The following ZNF112 variants were observed in gnomAD, a reference collection of about 807,000 sequenced individuals.
ZNF112 encodes zinc finger protein 112 (Y14).
In ZNF112, 37 loss-of-function variants were observed where a neutral mutation model predicts 77.7. That is an observed-to-expected ratio of 0.48 (90% CI 0.37 to 0.63). The LOEUF is 0.63. Among genes scored for constraint, ZNF112 ranks in the 20% least tolerant of loss-of-function variants. The probability of loss-of-function intolerance (pLI) is 0.00; values close to 1 mark genes in which losing one functional copy is unlikely to be tolerated. For synonymous variants in ZNF112, 333 were observed against 363.6 expected, an observed-to-expected ratio of 0.92 and a Z score of 0.96; for missense variants, 950 against 1,077.4, an observed-to-expected ratio of 0.88 and a Z score of 1.66.
At chr19:44,337,559 G>A (rs1047002625) in intron 2 of ZNF112, among the ~76,000 whole-genome samples, 79 of 147,274 alleles carry the variant, frequency 5.4e-4, no homozygotes, top group East Asian at 1.6e-3. Context: ...ATGGGTTGCC[G>A]GGGAAGGGTA....
intron 1 of ZNF112, among the ~76,000 whole-genome samples, chr19:44,363,633 G>A (rs1970875824): frequency 6.6e-6 from 1 of 152,188 alleles, no homozygotes; most frequent in Admixed American, 6.5e-5. Flanking sequence ...TGATCCTGAA[G>A]TGATGTTCTA....
chr19:44,342,080 A>T (rs1354119413), intron 1 of ZNF112, among the ~76,000 whole-genome samples: 1 of 152,252 alleles, frequency 6.6e-6, no homozygotes, highest in African/African-American at 2.4e-5. Context: ...AGTGTGACAG[A>T]TGCAAAGTGC....
intron 1 of ZNF112, chr19:44,341,239 T>A (rs1970484675): frequency 4.4e-6 from 2 of 455,266 alleles, no homozygotes; most frequent in Non-Finnish European, 8.8e-6. Flanking sequence ...ATCCCATTTC[T>A]GGGCTGCAAA....
At position 44,327,535 on chromosome 19, in the gene ZNF112, T is replaced by C. The variant is rs777916599; in HGVS notation, c.2622A>G (p.Gln874=). The change falls in exon 4 of 4, where the codon CAA becomes CAG. Residue 874 remains glutamine, a synonymous_variant. Transcript: ENST00000354340. ...AGAATTTATCACTACTATGGACTCT[T>C]TGATGAATGAGAAGACCTGAGCTCC... ...FRWSSGLLIH[Q]RVHSSDKFYK... 7 of 1,613,846 alleles carry C rather than the reference T, an allele frequency of 4.3e-6. No homozygotes were observed. Among genetic ancestry groups the C allele is most frequent in the Middle Eastern group, 1.6e-4 (1 of 6,078 alleles).
upstream of ZNF112, among the ~76,000 whole-genome samples, chr19:44,358,920 G>C: frequency 6.6e-6 from 1 of 152,194 alleles, no homozygotes; most frequent in East Asian, 1.9e-4. Context: ...GCGTATAGGG[G>C]TGGTGGGGGC....
At chr19:44,361,323 T>C (rs1209346678), upstream of ZNF112, among the ~76,000 whole-genome samples, 2 of 152,232 alleles carry the variant, frequency 1.3e-5, no homozygotes, top group Admixed American at 6.5e-5. Context: ...ATTATACAGC[T>C]GTTCATTTTA....
intron 1 of ZNF112, among the ~76,000 whole-genome samples, chr19:44,365,468 T>TTA (rs200896760): frequency 0.22 from 22,848 of 106,102 alleles, 2,040 homozygotes; most frequent in African/African-American, 0.28. Context: ...TCAAAAAAAA[T>TTA]TATATATATA....
In ZNF112 at chr19:44,336,660, C is replaced by T; in HGVS notation, c.183G>A (p.Leu61=). ...ISQLEREEKL[L]MVETETPRDG... is the part of the protein sequence containing the mutation. ...CTCTTGGGGTTTCTGTCTCCACCAT[C>T]AAAAGCTTTTCTTCTCTCTCCAGCT... Residue 61 remains leucine (L), a synonymous_variant, in exon 3 of 4, where the codon TTG becomes TTA. Transcript: ENST00000354340. The T allele has an allele frequency of 3.7e-6, 6 of 1,614,020 alleles. No individual in the cohort carries two copies. The highest frequency in any genetic ancestry group is 4.2e-6 in the Non-Finnish European group (5 of 1,179,952).
rs374398452 is a variant in ZNF112 at position 44,328,111 on chromosome 19, C to T, written c.2046G>A (p.Thr682=). The T allele has an allele frequency of 5.0e-6, 8 of 1,613,672 alleles. No homozygotes were observed. Among genetic ancestry groups the T allele is most frequent in the East Asian group, 2.2e-5 (1 of 44,856 alleles). ...CATCACATTGGTATGGCTTCTCTCC[C>T]GTGTGGACCCTCTGATGGGCCAAAA... ...STLLAHQRVH[T]GEKPYQCDEC... The change falls in exon 4 of 4, where the codon ACG becomes ACA. Residue 682 remains threonine (T), a synonymous_variant. Transcript: ENST00000354340.
intron 1 of ZNF112, among the ~76,000 whole-genome samples, chr19:44,350,809 C>T (rs1365494686): frequency 6.6e-6 from 1 of 152,082 alleles, no homozygotes; most frequent in East Asian, 1.9e-4. Flanking sequence ...TTGTACACTG[C>T]ATAATTCTCC....
chr19:44,355,558 A>G (rs1334574802), intron 1 of ZNF112, among the ~76,000 whole-genome samples: 1 of 152,208 alleles, frequency 6.6e-6, no homozygotes, highest in Non-Finnish European at 1.5e-5. Flanking sequence ...ATGGATGGAA[A>G]CTATTTGAAT....
chr19:44,342,159 A>G (rs1416325049), intron 1 of ZNF112, among the ~76,000 whole-genome samples: 1 of 152,264 alleles, frequency 6.6e-6, no homozygotes, highest in Non-Finnish European at 1.5e-5. Flanking sequence ...AAATTAATAC[A>G]TGAATAATGA....
chr19:44,337,153 G>T (rs1423491036), intron 2 of ZNF112, among the ~76,000 whole-genome samples: 1 of 149,330 alleles, frequency 6.7e-6, no homozygotes, highest in East Asian at 2.0e-4. Flanking sequence ...TTACAGGTGT[G>T]AGCCACCACG....
At chr19:44,365,554 G>A (rs929835615) in intron 1 of ZNF112, among the ~76,000 whole-genome samples, 6 of 151,910 alleles carry the variant, frequency 3.9e-5, no homozygotes, top group African/African-American at 1.5e-4. Flanking sequence ...GGTTATCCTA[G>A]ATATTTCTTT....
chr19:44,336,222 A>C (rs929678006), intron 3 of ZNF112, among the ~76,000 whole-genome samples: 1 of 152,154 alleles, frequency 6.6e-6, no homozygotes, highest in Non-Finnish European at 1.5e-5. Context: ...ATTCTAGAAT[A>C]CCCTTCAATT....
At chr19:44,349,455 A>G (rs575275303) in intron 1 of ZNF112, among the ~76,000 whole-genome samples, 25 of 152,180 alleles carry the variant, frequency 1.6e-4, no homozygotes, top group African/African-American at 5.8e-4. Flanking sequence ...GGCAAAGCTT[A>G]TCATGCTTAT....
chr19:44,335,603 C>T (rs1023083571), intron 3 of ZNF112, among the ~76,000 whole-genome samples: 26 of 152,150 alleles, frequency 1.7e-4, no homozygotes, highest in African/African-American at 4.8e-4. Context: ...GAGCCAAGAA[C>T]GCTTTCTACA....
Position 44,328,941 on chromosome 19 carries a change from C to G in ZNF112, c.1216G>C (p.Glu406Gln). Residue 406 changes from glutamate to glutamine, a missense_variant, in exon 4 of 4, where the codon GAG (glutamate) becomes CAG (glutamine). Physicochemically the swap from Glu to Gln is conservative, Grantham distance 29. Around this residue, in one of 3 missense-constraint regions of ZNF112, gnomAD observed 560 missense variants for 557.3 expected, o/e 1.00. Coordinates refer to ENST00000354340, the MANE Select transcript of ZNF112 (RefSeq NM_013380.4). ...TACTCTATATCTGTGTATAGTTTCT[C>G]TTCAGTGTGGATTTTTTGATGGACT... ...LQVHQKIHTE[E>Q]KLYTDIEYGK... 1 of 1,613,944 alleles carries G rather than the reference C, an allele frequency of 6.2e-7. No homozygotes were observed. Among genetic ancestry groups the G allele is most frequent in the Non-Finnish European group, 8.5e-7 (1 of 1,179,968 alleles).
intron 2 of ZNF112, 48 bp from the exon 3 acceptor site, chr19:44,336,766 C>A (rs1345016008): frequency 6.6e-7 from 1 of 1,504,014 alleles, no homozygotes; most frequent in Non-Finnish European, 9.3e-7. Context: ...TGATGACATT[C>A]AATTGGTCAA....
Sources: gnomAD v4.1 joint callset for allele counts (sites outside exome capture counted in the v4.1 genomes callset) on GRCh38, gnomAD v4.1.1 for gene constraint, gnomAD v4.1.1 regional missense constraint, MANE v1.5 for transcripts, NCBI Gene and HGNC (gene_info 2026-07-23, HGNC 2026-07-21) for gene names.